The following MAGI2 variants were observed in gnomAD, a reference collection of about 807,000 sequenced individuals.
MAGI2 encodes membrane-associated guanylate kinase, WW and PDZ domain-containing protein 2.
A neutral mutation model predicts 133.3 loss-of-function variants in MAGI2; 35 were observed. The ratio of observed to expected loss-of-function variants is 0.26; its 90% CI spans 0.20 to 0.35. The LOEUF is 0.35. Ranked by LOEUF, MAGI2 falls within the 10% of genes least tolerant of loss-of-function variation. The probability of loss-of-function intolerance (pLI) is 1.00; values close to 1 mark genes in which losing one functional copy is unlikely to be tolerated. For synonymous variants in MAGI2, 729 were observed against 710.6 expected, an observed-to-expected ratio of 1.03 and a Z score of -0.41; for missense variants, 1,636 against 1,863.4, an observed-to-expected ratio of 0.88 and a Z score of 2.25.
chr7:79,057,507 C>G (rs958322677), intron 1 of MAGI2, among the ~76,000 whole-genome samples: 1 of 152,170 alleles, frequency 6.6e-6, no homozygotes, highest in African/African-American at 2.4e-5. Flanking sequence ...AATATTCTTA[C>G]AAGAGAAAAG....
chr7:79,031,629 A>G (rs993442380), intron 1 of MAGI2, among the ~76,000 whole-genome samples: 1 of 152,192 alleles, frequency 6.6e-6, no homozygotes, highest in Non-Finnish European at 1.5e-5. Flanking sequence ...CTAATTGTTG[A>G]TATTTTGAGA....
intron 2 of MAGI2, among the ~76,000 whole-genome samples, chr7:78,837,480 G>T (rs1005476437): frequency 6.6e-6 from 1 of 151,994 alleles, no homozygotes; most frequent in Non-Finnish European, 1.5e-5. Flanking sequence ...AACGAAAATA[G>T]TTGGTCATTT....
At chr7:78,127,659 C>A (rs1584040539) in intron 18 of MAGI2, among the ~76,000 whole-genome samples, 1 of 152,170 alleles carries the variant, frequency 6.6e-6, no homozygotes, top group South Asian at 2.1e-4. Flanking sequence ...ATGGTTCAAC[C>A]AGAACCTTGT....
chr7:78,159,884 T>C, intron 16 of MAGI2, 141 bp downstream of exon 16: 1 of 1,140,508 alleles, frequency 8.8e-7, no homozygotes. Flanking sequence ...ATGGATGCCT[T>C]ATTTGTGCCC....
intron 1 of MAGI2, among the ~76,000 whole-genome samples, chr7:79,126,283 G>A (rs1820399726): frequency 6.6e-6 from 1 of 152,172 alleles, no homozygotes; most frequent in Admixed American, 6.5e-5. Context: ...ACTCCTGGTT[G>A]TATTCCTTTG....
At chr7:78,408,782 T>C (rs1355466720) in intron 6 of MAGI2, among the ~76,000 whole-genome samples, 2 of 152,150 alleles carry the variant, frequency 1.3e-5, no homozygotes, top group African/African-American at 4.8e-5. Flanking sequence ...TTATATATGA[T>C]AATCTTTTTG....
At chr7:78,804,477 G>A (rs1357241421) in intron 2 of MAGI2, among the ~76,000 whole-genome samples, 2 of 151,092 alleles carry the variant, frequency 1.3e-5, no homozygotes, top group East Asian at 1.9e-4. Context: ...GGCCAGGCAC[G>A]GTGGCTCACG....
intron 10 of MAGI2, among the ~76,000 whole-genome samples, chr7:78,219,678 C>T (rs1025014202): frequency 1.3e-5 from 2 of 152,304 alleles, no homozygotes; most frequent in South Asian, 4.1e-4. Flanking sequence ...ACTTGCCCTT[C>T]TCCAACAGTC....
intron 2 of MAGI2, among the ~76,000 whole-genome samples, chr7:78,633,596 C>T (rs1186443895): frequency 4.6e-5 from 7 of 151,696 alleles, no homozygotes; most frequent in Non-Finnish European, 8.8e-5. Flanking sequence ...GTCCCAGCTA[C>T]TCCGGAGGCT....
At chr7:79,199,011 G>T (rs917037928) in intron 1 of MAGI2, among the ~76,000 whole-genome samples, 2 of 151,810 alleles carry the variant, frequency 1.3e-5, no homozygotes, top group African/African-American at 4.9e-5. Flanking sequence ...ACTGATAGGG[G>T]AGAAAAAGTT....
chr7:79,138,253 G>T (rs914317823), intron 1 of MAGI2, among the ~76,000 whole-genome samples: 6 of 152,064 alleles, frequency 3.9e-5, no homozygotes, highest in African/African-American at 4.8e-5. Context: ...ATACAGACCA[G>T]GCTCAAGAAC....
chr7:79,400,207 T>C (rs1222591074), intron 1 of MAGI2, among the ~76,000 whole-genome samples: 2 of 152,194 alleles, frequency 1.3e-5, no homozygotes, highest in African/African-American at 4.8e-5. Context: ...AGAACAACTA[T>C]GTTACCAATA....
Position 79,007,050 on chromosome 7 carries a change from C to T in MAGI2, c.418+40G>A, listed in dbSNP as rs369619306. Reference sequence around the variant, plus strand: ...AATGAATATATAGCTAAACATTTATCTCTCAACATAAAAATATTAATACTG... The same window carrying T: ...AATGAATATATAGCTAAACATTTATTTCTCAACATAAAAATATTAATACTG... On this transcript the variant is annotated intron_variant, in intron 2 of 21. Transcript: ENST00000354212. 2.8e-5 allele frequency: 38 copies of T among 1,346,490 alleles called. No individual in the cohort carries two copies. The African/African-American group carries it at 4.9e-4, about 17-fold the overall frequency. 83.4% of individuals were successfully genotyped at this position (1,346,490 alleles called of 1,614,324 possible).
At chr7:79,115,527 C>A (rs1315952470) in intron 1 of MAGI2, among the ~76,000 whole-genome samples, 1 of 152,116 alleles carries the variant, frequency 6.6e-6, no homozygotes, top group African/African-American at 2.4e-5. Context: ...TCAGAAAAAT[C>A]TGCTCCTATC....
intron 1 of MAGI2, among the ~76,000 whole-genome samples, chr7:79,061,688 C>T (rs1272708308): frequency 6.6e-6 from 1 of 152,006 alleles, no homozygotes; most frequent in African/African-American, 2.4e-5. Flanking sequence ...AACAGTAGAT[C>T]GAAAATGACT....
chr7:78,648,773 C>T (rs1301013395), intron 2 of MAGI2, among the ~76,000 whole-genome samples: 1 of 152,080 alleles, frequency 6.6e-6, no homozygotes, highest in Non-Finnish European at 1.5e-5. Flanking sequence ...AATAGACTTC[C>T]AATTAATTCC....
At chr7:79,331,812 G>C (rs545903490) in intron 1 of MAGI2, among the ~76,000 whole-genome samples, 6 of 151,756 alleles carry the variant, frequency 4.0e-5, no homozygotes, top group Admixed American at 6.6e-5. Context: ...ATCATTTTTC[G>C]CCTAAAAAGG....
At chr7:79,281,328 T>C (rs539065317) in intron 1 of MAGI2, among the ~76,000 whole-genome samples, 56 of 152,264 alleles carry the variant, frequency 3.7e-4, no homozygotes, top group Middle Eastern at 3.4e-3. Flanking sequence ...CAGTAGCTCC[T>C]GGTGATGCTG....
chr7:78,790,546 G>A (rs933592684), intron 2 of MAGI2, among the ~76,000 whole-genome samples: 1 of 151,996 alleles, frequency 6.6e-6, no homozygotes, highest in Non-Finnish European at 1.5e-5. Context: ...TGATTCTCAT[G>A]CCTCAGCCTC....
Sources: allele counts gnomAD v4.1 joint callset (sites outside exome capture counted in the v4.1 genomes callset), GRCh38; gene constraint gnomAD v4.1.1; transcripts MANE v1.5; gene names NCBI Gene and HGNC (gene_info 2026-07-23, HGNC 2026-07-21).